The following NAAA variants were observed in gnomAD, a reference collection of about 807,000 sequenced individuals.
NAAA encodes the protein N-acylethanolamine acid amidase.
NAAA carries 39 observed loss-of-function variants against 44.8 expected under a neutral mutation model. The ratio of observed to expected loss-of-function variants is 0.87; its 90% CI spans 0.67 to 1.14. The LOEUF is 1.14. Among genes scored for constraint, NAAA ranks in the 50% most tolerant of loss-of-function variants. NAAA has a pLI of 0.00. For synonymous variants in NAAA, 178 were observed against 191.3 expected (o/e 0.93, Z 0.58); for missense variants, 460 against 467.8 (o/e 0.98, Z 0.15).
In NAAA at chr4:75,941,003, G is replaced by A; in HGVS notation, c.-54C>T. 7.1e-7 allele frequency: 1 copy of A among 1,417,584 alleles called. No individual in the cohort carries two copies. The highest frequency in any genetic ancestry group is 1.5e-5 in the African/African-American group (1 of 66,292). 87.8% of individuals were successfully genotyped at this position (1,417,584 alleles called of 1,614,324 possible). A position where few individuals can be genotyped will look rare whatever the true frequency, so the allele number is the denominator to read the frequency against. Reference sequence around the variant, plus strand: ...AGACCTGCAGCCGCTGTCGGAGCCCGGGTAAGCCGTGGAGGAGGAGGAGCT... The same window carrying A: ...AGACCTGCAGCCGCTGTCGGAGCCCAGGTAAGCCGTGGAGGAGGAGGAGCT... On this transcript the variant is annotated 5_prime_UTR_variant, in exon 1 of 11. Transcript: ENST00000286733.
chr4:75,914,394 T>TA (rs1725471028), intron 10 of NAAA, 56 bp from the exon 11 acceptor site: 1 of 672,000 alleles, frequency 1.5e-6, no homozygotes, highest in Non-Finnish European at 1.8e-6. Context: ...TTTTTTTTTT[T>TA]AATGGAGTCT....
At chr4:75,934,551 A>G (rs1379112064) in intron 3 of NAAA, among the ~76,000 whole-genome samples, 1 of 147,086 alleles carries the variant, frequency 6.8e-6, no homozygotes, top group African/African-American at 2.5e-5. Context: ...CTGGTCTTGA[A>G]CTCCTGACCT....
intron 9 of NAAA, chr4:75,917,899 A>G: frequency 4.0e-6 from 1 of 248,646 alleles, no homozygotes; most frequent in Non-Finnish European, 8.2e-6. Context: ...AAGAACATTA[A>G]CTAAGCGAAT....
At chr4:75,940,240 G>T in intron 1 of NAAA, 75 bp from the exon 2 acceptor site, 2 of 1,520,356 alleles carry the variant, frequency 1.3e-6, no homozygotes, top group Non-Finnish European at 9.0e-7. Context: ...CACTGCGAGC[G>T]GGGCTACATC....
chr4:75,917,033 G>T, intron 9 of NAAA: 1 of 798,124 alleles, frequency 1.3e-6, no homozygotes, highest in Non-Finnish European at 1.5e-6. Flanking sequence ...ACCCGCCTCG[G>T]CTTCCAAAGT....
chr4:75,914,963 T>G lies in NAAA; in HGVS notation c.1021A>C (p.Met341Leu), dbSNP rs560536963. ...TACTTGTCTGGGCTACCGGCGCTCA[T>G]TACCGTAGTATAAATTGTGAAGCTG... Reference protein sequence around the residue: ...YNNFTIYTTVMSAGSPDKYMT... With the variant: ...YNNFTIYTTVLSAGSPDKYMT... The change falls in exon 10 of 11, where the codon ATG becomes CTG. Residue 341 changes from methionine to leucine, a missense_variant. Met to Leu is a conservative substitution (Grantham distance 15). Coordinates refer to ENST00000286733, the MANE Select transcript of NAAA (RefSeq NM_014435.4). 1 of 1,613,510 alleles carries G rather than the reference T, an allele frequency of 6.2e-7. No homozygotes were observed.
At position 75,938,462 on chromosome 4, in the gene NAAA, A is replaced by G. The variant is rs13138223; in HGVS notation, c.371+1539T>C. On this transcript the variant is annotated intron_variant, in intron 2 of 10. Transcript: ENST00000286733. ...GGTAGGAGAGGGAGGTGGTAAAATT[A>G]TAATAACTTAGTTCAACTGAAAAGC... Among the ~76,000 whole-genome samples, 4 of 152,126 alleles carry G rather than the reference A, an allele frequency of 2.6e-5. No individual in the cohort carries two copies. The East Asian group carries it at 5.8e-4, about 22-fold the overall frequency.
downstream of NAAA, among the ~76,000 whole-genome samples, chr4:75,913,268 A>G (rs532544630): frequency 6.6e-6 from 1 of 151,584 alleles, no homozygotes; most frequent in South Asian, 2.1e-4. Context: ...CTCACTGTCT[A>G]CCCTCTTTTT....
chr4:75,927,210 T>C (rs759100530), intron 4 of NAAA, among the ~76,000 whole-genome samples: 12 of 152,110 alleles, frequency 7.9e-5, no homozygotes, highest in Non-Finnish European at 1.6e-4. Context: ...TCCCAGCACT[T>C]TGGGAGACCA....
chr4:75,929,855 C>T (rs1354595551), intron 4 of NAAA, among the ~76,000 whole-genome samples: 15 of 152,010 alleles, frequency 9.9e-5, no homozygotes, highest in Admixed American at 9.2e-4. Flanking sequence ...TTTGGGAGGC[C>T]GAGGTGGGTG....
At chr4:75,928,847 G>A (rs1167434013) in intron 4 of NAAA, among the ~76,000 whole-genome samples, 1 of 151,276 alleles carries the variant, frequency 6.6e-6, no homozygotes, top group Admixed American at 6.6e-5. Context: ...GAGTGCAGTG[G>A]CGCGATCTCG....
intron 3 of NAAA, among the ~76,000 whole-genome samples, chr4:75,932,036 C>G (rs894184803): frequency 6.6e-6 from 1 of 152,146 alleles, no homozygotes; most frequent in East Asian, 1.9e-4. Context: ...TCAAGACCAG[C>G]CTGACCAACG....
At chr4:75,921,955 C>T (rs1003052586) in intron 5 of NAAA, among the ~76,000 whole-genome samples, 1 of 152,148 alleles carries the variant, frequency 6.6e-6, no homozygotes, top group Non-Finnish European at 1.5e-5. Flanking sequence ...GGGCTCCTTC[C>T]TAGAGCTGAT....
chr4:75,932,605 T>C (rs1190931402), intron 3 of NAAA, among the ~76,000 whole-genome samples: 1 of 151,678 alleles, frequency 6.6e-6, no homozygotes, highest in Non-Finnish European at 1.5e-5. Flanking sequence ...ACCTCAGTTT[T>C]CCAAGTAGCT....
chr4:75,933,469 T>C (rs893714949), intron 3 of NAAA, among the ~76,000 whole-genome samples: 3 of 152,182 alleles, frequency 2.0e-5, no homozygotes, highest in African/African-American at 7.2e-5. Context: ...TGTAATTATA[T>C]GGAAAATAAA....
chr4:75,914,865 A>T lies in NAAA; in HGVS notation c.*36+3T>A. On this transcript the variant is annotated splice_donor_region_variant and intron_variant, in intron 10 of 10. Coordinates refer to ENST00000286733, the MANE Select transcript of NAAA (RefSeq NM_014435.4). ...CCCTCTCCACAAAACAGTAACAACA[A>T]ACCTTTCACAGCACGGGCGAACTCG... 1 of 1,609,944 alleles carries T rather than the reference A, an allele frequency of 6.2e-7. No individual in the cohort carries two copies. Among genetic ancestry groups the T allele is most frequent in the Non-Finnish European group, 8.5e-7 (1 of 1,176,516 alleles).
At chr4:75,939,557 A>G (rs1196451253) in intron 2 of NAAA, among the ~76,000 whole-genome samples, 2 of 151,610 alleles carry the variant, frequency 1.3e-5, no homozygotes, top group African/African-American at 4.8e-5. Context: ...CTGGGATTAC[A>G]GGCGCCCACC....
intron 8 of NAAA, 62 bp downstream of exon 8, chr4:75,919,847 A>G (rs1345004071): frequency 2.8e-6 from 4 of 1,442,200 alleles, no homozygotes; most frequent in Non-Finnish European, 2.9e-6. Context: ...GGAGTTTTTC[A>G]TATTCACTAT....
chr4:75,925,740 G>C lies in NAAA; in HGVS notation c.661C>G (p.Arg221Gly), dbSNP rs769959756. ...TCCACATTAAATATACTCACAGCGCGGATCAGCCAGCTGACGGGAATGTGT... is the reference window on the plus strand; with the variant it reads ...TCCACATTAAATATACTCACAGCGCCGATCAGCCAGCTGACGGGAATGTGT... ...RRHIPVSWLI[R>G]ATLSESENFE... The change falls in exon 5 of 11, where the codon CGC (arginine) becomes GGC (glycine). Residue 221 changes from arginine to glycine, a missense_variant. Arg to Gly is a moderately radical substitution (Grantham distance 125). Transcript: ENST00000286733. The C allele has an allele frequency of 6.2e-7, 1 of 1,613,970 alleles. No individual in the cohort carries two copies. The highest frequency in any genetic ancestry group is 8.5e-7 in the Non-Finnish European group (1 of 1,179,998).
Sources: gnomAD v4.1 joint callset for allele counts (sites outside exome capture counted in the v4.1 genomes callset) on GRCh38, gnomAD v4.1.1 for gene constraint, MANE v1.5 for transcripts, NCBI Gene and HGNC (gene_info 2026-07-23, HGNC 2026-07-21) for gene names.